Variants in RPS6KA5 observed in about 807,000 individuals in gnomAD.
The protein encoded by RPS6KA5 is ribosomal protein S6 kinase A5.
RPS6KA5 carries 27 observed loss-of-function variants against 85.5 expected under a neutral mutation model. That is an observed-to-expected ratio of 0.32 (90% CI 0.23 to 0.44). The LOEUF (loss-of-function observed/expected upper bound fraction) is 0.44. RPS6KA5 is among the 20% of genes least tolerant of loss of function. The pLI is 1.00. For missense variants in RPS6KA5, 811 were observed against 980.9 expected (o/e 0.83, Z 2.31); for synonymous variants, 334 against 348.2 (o/e 0.96, Z 0.46).
rs1479649552 is a variant in RPS6KA5, at chr14:90,859,969, G to A, written c.*12105C>T. The A allele has an allele frequency of 6.6e-6, 1 of 152,016 alleles. No individual in the cohort carries two copies. The highest frequency in any genetic ancestry group is 2.4e-5 in the African/African-American group (1 of 41,390). The allele number at this position is 152,016 out of a possible 1,614,324, so 9.4% of individuals were successfully genotyped here. ...CACGCTGGGGCCTGTCGGGGGGTTG[G>A]GGGCTAGGGGAGGGATAACATTAGG... On this transcript the variant is annotated 3_prime_UTR_variant, in exon 17 of 17. Coordinates refer to ENST00000614987, the MANE Select transcript of RPS6KA5 (RefSeq NM_004755.4).
chr14:91,059,494 C>T (rs2043525323), intron 1 of RPS6KA5, among the ~76,000 whole-genome samples: 1 of 152,034 alleles, frequency 6.6e-6, no homozygotes, highest in Admixed American at 6.6e-5. Context: ...AGACTGGGCT[C>T]CAAGAATATA....
Position 90,872,157 on chromosome 14 carries a change from G to A in RPS6KA5, c.2326C>T (p.Pro776Ser). The A allele has an allele frequency of 6.2e-7, 1 of 1,613,976 alleles. No homozygotes were observed. The highest frequency in any genetic ancestry group is 8.5e-7 in the Non-Finnish European group (1 of 1,179,994). Residue 776 changes from proline (P) to serine (S), a missense_variant, in exon 17 of 17, where the codon CCC (proline) becomes TCC (serine). By Grantham distance (74) the Pro-to-Ser change is moderately conservative. Transcript: ENST00000614987. ...TTGCTGGGCTGCAGTGTCTTGGTGG[G>A]TGTAGTTTTACCGTGAGAATGAGAG... ...SSSHSHGKTT[P>S]TKTLQPSNPA...
intron 13 of RPS6KA5, among the ~76,000 whole-genome samples, chr14:90,892,841 ATT>A (rs769052990): frequency 3.3e-5 from 5 of 152,222 alleles, no homozygotes; most frequent in Non-Finnish European, 5.9e-5. Flanking sequence ...TCAAAGGTCT[ATT>A]TTCATTTCTC....
intron 5 of RPS6KA5, among the ~76,000 whole-genome samples, chr14:90,931,807 T>C (rs1040632103): frequency 3.3e-5 from 5 of 152,120 alleles, no homozygotes; most frequent in African/African-American, 9.7e-5. Flanking sequence ...GGAGAAAAGA[T>C]AGACTGGATA....
chr14:90,977,839 G>C (rs748954503), intron 3 of RPS6KA5, among the ~76,000 whole-genome samples: 2 of 152,212 alleles, frequency 1.3e-5, no homozygotes, highest in African/African-American at 2.4e-5. Context: ...CAGATCACTT[G>C]AGGTCTGGAG....
rs1435939440 is a variant in RPS6KA5, at chr14:91,038,248, T to G, written c.103+22084A>C. Among the ~76,000 whole-genome samples the G allele has an allele frequency of 2.0e-5, 3 of 152,132 alleles. No homozygotes were observed. In the East Asian group the frequency reaches 5.8e-4, roughly 29 times the overall value. ...ACTCTTCCCATGTTAGGGTCAGACT[T>G]TGGCCCTGAACACCTGTCAAGGGTG... is the stretch of plus-strand genomic sequence containing the variant. On this transcript the variant is annotated intron_variant, in intron 1 of 16. Transcript: ENST00000614987.
intron 5 of RPS6KA5, among the ~76,000 whole-genome samples, chr14:90,924,611 AAC>A (rs1261277631): frequency 6.6e-6 from 1 of 152,238 alleles, no homozygotes; most frequent in Admixed American, 6.5e-5. Flanking sequence ...TACTATAAGC[AAC>A]TTTAGTTATC....
Position 90,852,358 on chromosome 14 carries a change from T to G in RPS6KA5, c.*19716A>C, listed in dbSNP as rs577163486. 6.6e-6 allele frequency: 1 copy of G among 152,128 alleles called. No individual in the cohort carries two copies. The highest frequency in any genetic ancestry group is 1.5e-5 in the Non-Finnish European group (1 of 68,026). The allele number at this position is 152,128 out of a possible 1,614,324, so 9.4% of individuals were successfully genotyped here. On this transcript the variant is annotated 3_prime_UTR_variant, in exon 17 of 17. Coordinates refer to ENST00000614987, the MANE Select transcript of RPS6KA5 (RefSeq NM_004755.4). ...GCCTCGGCCTCCCAACACTTTTGTT[T>G]AAAAAATGGAAATTTCTTCTAAAAT...
intron 3 of RPS6KA5, among the ~76,000 whole-genome samples, chr14:90,956,565 A>C (rs2038523252): frequency 6.6e-6 from 1 of 151,440 alleles, no homozygotes; most frequent in East Asian, 1.9e-4. Context: ...TATATATCTC[A>C]TATCTTTTTT....
At position 91,018,722 on chromosome 14, in the gene RPS6KA5, C is replaced by T. The variant is rs570928630; in HGVS notation, c.104-17563G>A. On this transcript the variant is annotated intron_variant, in intron 1 of 16. Coordinates refer to ENST00000614987, the MANE Select transcript of RPS6KA5 (RefSeq NM_004755.4). ...GACTGAAGGCTGCACAGTCAGCTTC[C>T]CTGCTTTTGAGGCTTTTGGACTTGG... 3.3e-5 allele frequency among the ~76,000 whole-genome samples: 5 copies of T among 152,208 alleles called. No homozygotes were observed. The South Asian group carries it at 1.0e-3, about 32-fold the overall frequency.
At chr14:90,958,725 C>T (rs982115360) in intron 3 of RPS6KA5, among the ~76,000 whole-genome samples, 1 of 151,958 alleles carries the variant, frequency 6.6e-6, no homozygotes, top group Non-Finnish European at 1.5e-5. Context: ...AAAAAACAGA[C>T]AAAAATCTCC....
intron 4 of RPS6KA5, among the ~76,000 whole-genome samples, chr14:90,943,436 G>C (rs1050959662): frequency 6.6e-6 from 1 of 151,502 alleles, no homozygotes; most frequent in African/African-American, 2.4e-5. Context: ...GCTTCTTTAG[G>C]GCCTCCCTCT....
At chr14:90,969,055 C>A (rs898098979) in intron 3 of RPS6KA5, among the ~76,000 whole-genome samples, 2 of 151,890 alleles carry the variant, frequency 1.3e-5, no homozygotes, top group African/African-American at 2.4e-5. Flanking sequence ...GAATAGCAAG[C>A]CGTGTGTGTG....
intron 7 of RPS6KA5, among the ~76,000 whole-genome samples, chr14:90,917,802 T>A (rs573674986): frequency 2.0e-5 from 3 of 152,072 alleles, no homozygotes; most frequent in African/African-American, 7.2e-5. Flanking sequence ...GCTCAAGCAA[T>A]CCCCCCACCT....
chr14:90,966,082 A>G (rs1265282199), intron 3 of RPS6KA5, among the ~76,000 whole-genome samples: 9 of 152,200 alleles, frequency 5.9e-5, no homozygotes, highest in African/African-American at 1.7e-4. Flanking sequence ...TACTGGTACT[A>G]AAGTTGTAGA....
chr14:91,032,761 CA>C (rs1366585516), intron 1 of RPS6KA5, among the ~76,000 whole-genome samples: 5 of 149,228 alleles, frequency 3.4e-5, no homozygotes, highest in African/African-American at 9.9e-5. Context: ...TCTGAGTTGC[CA>C]AAGAACTGCT....
chr14:91,016,902 C>A (rs1437619199), intron 1 of RPS6KA5, among the ~76,000 whole-genome samples: 2 of 150,060 alleles, frequency 1.3e-5, no homozygotes, highest in Non-Finnish European at 1.5e-5. Context: ...TATTTGTATT[C>A]TCCTATGTCA....
At position 90,853,679 on chromosome 14, in the gene RPS6KA5, A is replaced by AAC. The variant is rs1256276063; in HGVS notation, c.*18394_*18395insGT. The AAC allele has an allele frequency of 2.0e-5, 3 of 149,800 alleles. No individual in the cohort carries two copies. Among genetic ancestry groups the AAC allele is most frequent in the South Asian group, 2.1e-4 (1 of 4,714 alleles). 9.3% of individuals were successfully genotyped at this position (149,800 alleles called of 1,614,324 possible). A position where few individuals can be genotyped will look rare whatever the true frequency, so the allele number is the denominator to read the frequency against. The stretch of plus-strand genomic sequence containing the variant: ...TCTCTACTAAAAATACAAAAAAAAA[A>AAC]AAAAAAACCCTAAAATTTAACACTA... On this transcript the variant is annotated 3_prime_UTR_variant, in exon 17 of 17. Coordinates refer to ENST00000614987, the MANE Select transcript of RPS6KA5 (RefSeq NM_004755.4).
At chr14:91,036,916 G>A (rs2042431271) in intron 1 of RPS6KA5, among the ~76,000 whole-genome samples, 1 of 152,168 alleles carries the variant, frequency 6.6e-6, no homozygotes, top group African/African-American at 2.4e-5. Flanking sequence ...GAGCAGAAAG[G>A]AAAAGATGCA....
Sources: gnomAD v4.1 joint callset for allele counts (sites outside exome capture counted in the v4.1 genomes callset) on GRCh38, gnomAD v4.1.1 for gene constraint, MANE v1.5 for transcripts, NCBI Gene and HGNC (gene_info 2026-07-23, HGNC 2026-07-21) for gene names.